ARHGEF17: variants seen among roughly 807,000 people sequenced by gnomAD.
ARHGEF17 encodes 164 kDa Rho-specific guanine-nucleotide exchange factor.
Under a neutral mutation model 174.0 loss-of-function variants are expected in ARHGEF17, and 80 were observed. That is an observed-to-expected ratio of 0.46 (90% CI 0.38 to 0.55). The LOEUF (loss-of-function observed/expected upper bound fraction) is 0.55. Among genes scored for constraint, ARHGEF17 ranks in the 20% least tolerant of loss-of-function variants. The probability of loss-of-function intolerance (pLI) is 0.00; values close to 1 mark genes in which losing one functional copy is unlikely to be tolerated. For missense variants in ARHGEF17, 2,886 were observed against 2,839.7 expected (o/e 1.02, Z -0.37); for synonymous variants, 1,311 against 1,189.1 (o/e 1.10, Z -2.11).
chr11:73,363,531 G>A, intron 15 of ARHGEF17, 76 bp downstream of exon 15: 1 of 1,551,802 alleles, frequency 6.4e-7, no homozygotes. Flanking sequence ...GTGGTCCCCT[G>A]GAGCCAAGGC....
At chr11:73,329,369 A>ATTT (rs1865163692) in intron 1 of ARHGEF17, among the ~76,000 whole-genome samples, 1 of 2,916 alleles carries the variant, frequency 3.4e-4, no homozygotes, top group African/African-American at 9.4e-4. Flanking sequence ...ATATATATAT[A>ATTT]TATATTTTTT....
chr11:73,362,320 C>G, intron 13 of ARHGEF17, 81 bp downstream of exon 13: 4 of 1,446,514 alleles, frequency 2.8e-6, no homozygotes, highest in Non-Finnish European at 1.8e-6. Context: ...CAGGCCGCCC[C>G]GGCGTGGTTG....
intron 1 of ARHGEF17, among the ~76,000 whole-genome samples, chr11:73,335,955 G>T (rs1026259949): frequency 1.3e-5 from 2 of 152,212 alleles, no homozygotes; most frequent in African/African-American, 4.8e-5. Flanking sequence ...AAGAGACCTG[G>T]TCTCTGCTCT....
At chr11:73,341,145 T>TA (rs1865361834) in intron 1 of ARHGEF17, among the ~76,000 whole-genome samples, 1 of 152,108 alleles carries the variant, frequency 6.6e-6, no homozygotes. Context: ...CTCAATCTAG[T>TA]AATTGCTTAA....
rs1591768783 is a variant in ARHGEF17 at position 73,368,535 on chromosome 11, T to G, written c.*755T>G. ...TGTCAGGCTTTGTCATTTCCCAGTTTGTTGGTGGTGCCTTTAGTGGTTCCC... is the reference window on the plus strand; with the variant it reads ...TGTCAGGCTTTGTCATTTCCCAGTTGGTTGGTGGTGCCTTTAGTGGTTCCC... On this transcript the variant is annotated 3_prime_UTR_variant, in exon 21 of 21. Transcript: ENST00000263674. 1 of 152,200 alleles carries G rather than the reference T, an allele frequency of 6.6e-6. No individual in the cohort carries two copies. The highest frequency in any genetic ancestry group is 2.1e-4 in the South Asian group (1 of 4,824). The allele number at this position is 152,200 out of a possible 1,614,324, so 9.4% of individuals were successfully genotyped here. A position where few individuals can be genotyped will look rare whatever the true frequency, so the allele number is the denominator to read the frequency against.
At chr11:73,330,893 C>T (rs1243266832) in intron 1 of ARHGEF17, among the ~76,000 whole-genome samples, 1 of 152,182 alleles carries the variant, frequency 6.6e-6, no homozygotes, top group African/African-American at 2.4e-5. Context: ...GAGGGGCAGG[C>T]ACCCATTTAA....
At chr11:73,316,358 C>G (rs1449019403) in intron 1 of ARHGEF17, among the ~76,000 whole-genome samples, 1 of 152,126 alleles carries the variant, frequency 6.6e-6, no homozygotes, top group Non-Finnish European at 1.5e-5. Flanking sequence ...AAAACAAAAG[C>G]CTGTCCTTGT....
intron 6 of ARHGEF17, 118 bp downstream of exon 6, chr11:73,356,469 AGT>A: frequency 7.6e-7 from 1 of 1,315,124 alleles, no homozygotes; most frequent in Non-Finnish European, 1.0e-6. Flanking sequence ...CCGGAACCAC[AGT>A]GTGTTTGCAT....
chr11:73,348,208 C>T (rs1865496452), intron 2 of ARHGEF17, among the ~76,000 whole-genome samples: 1 of 152,190 alleles, frequency 6.6e-6, no homozygotes, highest in Admixed American at 6.5e-5. Flanking sequence ...AGAGCATTCA[C>T]TCACTCACCA....
At chr11:73,357,162 G>A in intron 8 of ARHGEF17, 28 bp downstream of exon 8, 1 of 1,613,086 alleles carries the variant, frequency 6.2e-7, no homozygotes, top group South Asian at 1.1e-5. Context: ...GGTTTGGGTG[G>A]TGCCAACAGG....
In ARHGEF17 at chr11:73,327,908, T is replaced by C. The variant is rs144670878; in HGVS notation, c.3192+16078T>C. ...GTGGATAGTCCTGGGTAATTATTCA[T>C]TGGAAAAGCTGAGTACTCACGTGTT... On this transcript the variant is annotated intron_variant, in intron 1 of 20. Coordinates refer to ENST00000263674, the MANE Select transcript of ARHGEF17 (RefSeq NM_014786.4). 4.5e-3 allele frequency among the ~76,000 whole-genome samples: 692 copies of C among 152,288 alleles called. 9 individuals carry two copies. The highest frequency in any genetic ancestry group is 0.016 in the African/African-American group (653 of 41,558).
At chr11:73,353,381 T>C in intron 3 of ARHGEF17, 1 of 255,338 alleles carries the variant, frequency 3.9e-6, no homozygotes, top group Admixed American at 4.9e-5. Context: ...ACCCTATCTT[T>C]ACTGGAACCA....
intron 9 of ARHGEF17, among the ~76,000 whole-genome samples, chr11:73,358,419 C>T (rs549109779): frequency 6.6e-6 from 1 of 152,020 alleles, no homozygotes; most frequent in Admixed American, 6.5e-5. Flanking sequence ...ATGGTTTCCC[C>T]CTCATGACCA....
intron 1 of ARHGEF17, among the ~76,000 whole-genome samples, chr11:73,321,973 A>G (rs1865024485): frequency 6.6e-6 from 1 of 152,172 alleles, no homozygotes. Context: ...GCTGTGGAGC[A>G]GGAAGCGGGG....
At chr11:73,329,322 CATATATATATATAT>C (rs1164051322) in intron 1 of ARHGEF17, among the ~76,000 whole-genome samples, 15 of 15,310 alleles carry the variant, frequency 9.8e-4, no homozygotes, top group Admixed American at 1.3e-3. Context: ...TGAGAGCTTT[CATATATATATATAT>C]ATATATATAT....
At chr11:73,312,764 G>A (rs953881662) in intron 1 of ARHGEF17, among the ~76,000 whole-genome samples, 3 of 151,942 alleles carry the variant, frequency 2.0e-5, no homozygotes, top group South Asian at 2.1e-4. Flanking sequence ...CTGTCTGCTT[G>A]CATCTTTTCC....
In ARHGEF17 at chr11:73,308,800, C is replaced by T. The variant is rs761697638; in HGVS notation, c.162C>T (p.Pro54=). The T allele has an allele frequency of 1.1e-5, 15 of 1,365,816 alleles. No individual in the cohort carries two copies. In the Admixed American group the frequency reaches 2.0e-4, roughly 18 times the overall value. 84.6% of individuals were successfully genotyped at this position (1,365,816 alleles called of 1,614,324 possible). The change falls in exon 1 of 21, where the codon CCC becomes CCT. Residue 54 remains proline (P), a synonymous_variant. Transcript: ENST00000263674. ...CGACCACGGCTGCCCGGGGCCAGCC[C>T]TCTCGGCGCGTGTCCAAGCTGGCGT... ...CRPTTAARGQ[P]SRRVSKLASG...
chr11:73,308,329 C>A lies in ARHGEF17; in HGVS notation c.-310C>A. 1 of 315,636 alleles carries A rather than the reference C, an allele frequency of 3.2e-6. No homozygotes were observed. The allele number at this position is 315,636 out of a possible 1,614,324, so 19.6% of individuals were successfully genotyped here. On this transcript the variant is annotated 5_prime_UTR_variant, in exon 1 of 21. Coordinates refer to ENST00000263674, the MANE Select transcript of ARHGEF17 (RefSeq NM_014786.4). ...GGCGTTGGGCAGGCGGACGCAGAGT[C>A]GAGGAACCAAGCGCTGGGATCCCGC... is the stretch of plus-strand genomic sequence containing the variant.
rs760668767 is a variant in ARHGEF17 at position 73,362,661 on chromosome 11, T to C, written c.4923T>C (p.Asp1641=). Residue 1641 remains aspartate (D), a synonymous_variant, in exon 14 of 21, where the codon GAT becomes GAC. Transcript: ENST00000263674. ...ELVPFDSDSD[D]ESSPSPSGTL... Reference sequence around the variant, plus strand: ...TGCCCTTTGACAGTGACTCTGACGATGAGTCTTCGCCCAGCCCCTCGGGGA... The same window carrying C: ...TGCCCTTTGACAGTGACTCTGACGACGAGTCTTCGCCCAGCCCCTCGGGGA... 1.9e-6 allele frequency: 3 copies of C among 1,611,388 alleles called. No individual in the cohort carries two copies. In the Admixed American group the frequency reaches 5.0e-5, roughly 27 times the overall value.
Sources: allele counts gnomAD v4.1 joint callset (sites outside exome capture counted in the v4.1 genomes callset), GRCh38; gene constraint gnomAD v4.1.1; transcripts MANE v1.5; gene names NCBI Gene and HGNC (gene_info 2026-07-23, HGNC 2026-07-21).